The following AFG2A variants were observed in gnomAD, a reference collection of about 807,000 sequenced individuals.
AFG2A encodes ATPase family gene 2 protein homolog A.
At chr4:122,970,063 A>T in the AFG2A span, among the ~76,000 whole-genome samples, 1 of 152,164 alleles carries the variant, frequency 6.6e-6, no homozygotes, top group African/African-American at 2.4e-5. Context: ...GCCTAAGTGG[A>T]TAGTGTTTAC....
chr4:123,164,469 T>A, the AFG2A span, among the ~76,000 whole-genome samples: 8,519 of 152,256 alleles, frequency 0.056, 405 homozygotes, highest in African/African-American at 0.12. Context: ...GTTCAAGTGA[T>A]TCTCCTGCCT....
chr4:123,090,766 G>A, the AFG2A span: 6 of 1,572,192 alleles, frequency 3.8e-6, no homozygotes, highest in East Asian at 2.3e-5. Flanking sequence ...GATTTTATCA[G>A]GTTTTTGTTT....
At chr4:123,050,556 G>C in the AFG2A span, among the ~76,000 whole-genome samples, 11 of 152,132 alleles carry the variant, frequency 7.2e-5, no homozygotes, top group East Asian at 2.1e-3. Flanking sequence ...ATTATATAAT[G>C]ACTTTCTTTG....
At chr4:123,085,673 G>C in the AFG2A span, among the ~76,000 whole-genome samples, 2 of 151,802 alleles carry the variant, frequency 1.3e-5, no homozygotes, top group Non-Finnish European at 2.9e-5. Context: ...TCTTTAATTG[G>C]TGCATTTAGG....
the AFG2A span, among the ~76,000 whole-genome samples, chr4:123,011,736 T>C: frequency 6.6e-6 from 1 of 152,050 alleles, no homozygotes; most frequent in East Asian, 1.9e-4. Context: ...TTTAAGGTCT[T>C]GAGAACACAG....
At chr4:123,222,188 A>G in the AFG2A span, among the ~76,000 whole-genome samples, 1 of 152,206 alleles carries the variant, frequency 6.6e-6, no homozygotes, top group African/African-American at 2.4e-5. Flanking sequence ...ATAGAGGAAC[A>G]TGATTTACCT....
chr4:123,007,608 GTATATA>G, the AFG2A span, among the ~76,000 whole-genome samples: 3 of 18,140 alleles, frequency 1.7e-4, 1 homozygote, highest in South Asian at 4.6e-3. Context: ...GTGTGTGTGT[GTATATA>G]TATATATATA....
At chr4:123,042,957 T>C in the AFG2A span, among the ~76,000 whole-genome samples, 1 of 152,236 alleles carries the variant, frequency 6.6e-6, no homozygotes, top group Non-Finnish European at 1.5e-5. Flanking sequence ...TTTATTCATA[T>C]ATTTGCCGTT....
chr4:122,939,075 CTTTTT>C, the AFG2A span, among the ~76,000 whole-genome samples: 3 of 102,226 alleles, frequency 2.9e-5, no homozygotes, highest in Non-Finnish European at 3.9e-5. Flanking sequence ...TATGTTCTTT[CTTTTT>C]TTTTTTTTTT....
At chr4:123,054,199 A>C in the AFG2A span, among the ~76,000 whole-genome samples, 1 of 152,192 alleles carries the variant, frequency 6.6e-6, no homozygotes, top group Non-Finnish European at 1.5e-5. Flanking sequence ...CTTGAATGCA[A>C]AAGCAAGCTC....
the AFG2A span, among the ~76,000 whole-genome samples, chr4:123,156,820 GT>G: frequency 5.4e-5 from 8 of 149,134 alleles, no homozygotes; most frequent in African/African-American, 1.7e-4. Flanking sequence ...CATGCTGATA[GT>G]TTTTTTTTGG....
At chr4:123,165,393 A>G in the AFG2A span, among the ~76,000 whole-genome samples, 3 of 152,276 alleles carry the variant, frequency 2.0e-5, no homozygotes, top group East Asian at 3.9e-4. Context: ...ATGTCTTAAT[A>G]AAGTTATTAA....
chr4:123,173,419 A>G, the AFG2A span, among the ~76,000 whole-genome samples: 1 of 124,638 alleles, frequency 8.0e-6, no homozygotes, highest in African/African-American at 3.1e-5. Context: ...GCAATGGTGC[A>G]ATCTCTGCTC....
At chr4:123,033,529 A>G in the AFG2A span, among the ~76,000 whole-genome samples, 1 of 152,212 alleles carries the variant, frequency 6.6e-6, no homozygotes, top group Non-Finnish European at 1.5e-5. Context: ...GAAAAATAAC[A>G]TGGCTTTGGT....
the AFG2A span, among the ~76,000 whole-genome samples, chr4:123,127,274 A>G: frequency 6.6e-6 from 1 of 152,220 alleles, no homozygotes; most frequent in African/African-American, 2.4e-5. Context: ...GGAAGTCAAT[A>G]ATGAAACCAG....
chr4:123,066,253 T>G, the AFG2A span, among the ~76,000 whole-genome samples: 26 of 152,180 alleles, frequency 1.7e-4, no homozygotes, highest in African/African-American at 5.1e-4. Context: ...TATCCAGATT[T>G]GAGGTAAATT....
the AFG2A span, among the ~76,000 whole-genome samples, chr4:123,306,747 G>A: frequency 6.6e-6 from 1 of 152,084 alleles, no homozygotes; most frequent in African/African-American, 2.4e-5. Flanking sequence ...AGTAGAAACG[G>A]GGTTTCACCC....
chr4:123,254,767 C>T, the AFG2A span, among the ~76,000 whole-genome samples: 1 of 152,138 alleles, frequency 6.6e-6, no homozygotes, highest in Non-Finnish European at 1.5e-5. Context: ...GTAATACATG[C>T]TCACCAAATT....
At chr4:122,930,366 G>A in the AFG2A span, among the ~76,000 whole-genome samples, 1 of 151,864 alleles carries the variant, frequency 6.6e-6, no homozygotes, top group African/African-American at 2.4e-5. Flanking sequence ...AATAGTTTGG[G>A]GGATGTGTTT....
Sources: allele counts gnomAD v4.1 joint callset (sites outside exome capture counted in the v4.1 genomes callset), GRCh38; gene constraint gnomAD v4.1.1; transcripts MANE v1.5; gene names NCBI Gene and HGNC (gene_info 2026-07-23, HGNC 2026-07-21).